The following CNOT4 variants were observed in gnomAD, a reference collection of about 807,000 sequenced individuals.
The protein encoded by CNOT4 is CCR4-NOT transcription complex subunit 4.
Under a neutral mutation model 73.8 loss-of-function variants are expected in CNOT4, and 8 were observed. The observed-to-expected ratio is 0.11, with a 90% confidence interval of 0.06 to 0.20. CNOT4 has a LOEUF of 0.20. Ranked by LOEUF, CNOT4 falls within the 10% of genes least tolerant of loss-of-function variation. CNOT4 has a pLI of 1.00. For synonymous variants in CNOT4, 293 were observed against 321.1 expected (o/e 0.91, Z 0.94); for missense variants, 564 against 883.4 (o/e 0.64, Z 4.58).
intron 1 of CNOT4, among the ~76,000 whole-genome samples, chr7:135,504,477 T>A (rs1440503085): frequency 1.9e-5 from 1 of 53,582 alleles, no homozygotes; most frequent in Non-Finnish European, 3.8e-5. Flanking sequence ...TTTTTTTTTT[T>A]TTTTTTTTTT....
rs1434071206 is a variant in CNOT4, at chr7:135,362,779, A to C, written c.*106T>G. ...AGAAAAAAAATTGATCAGGTACTGG[A>C]TTCTTCAGAACATAAGAGATGAGAA... On this transcript the variant is annotated 3_prime_UTR_variant, in exon 12 of 12. Coordinates refer to ENST00000541284, the MANE Select transcript of CNOT4 (RefSeq NM_001190850.2). The C allele has an allele frequency of 9.4e-7, 1 of 1,060,390 alleles. No individual in the cohort carries two copies. Among genetic ancestry groups the C allele is most frequent in the South Asian group, 1.2e-5 (1 of 80,104 alleles). 65.7% of individuals were successfully genotyped at this position (1,060,390 alleles called of 1,614,324 possible).
intron 1 of CNOT4, among the ~76,000 whole-genome samples, chr7:135,453,848 T>TATAAA (rs1563059658): frequency 8.6e-6 from 1 of 116,742 alleles, no homozygotes; most frequent in East Asian, 2.4e-4. Context: ...ATATATATAT[T>TATAAA]ATATATATAG....
chr7:135,400,063 A>C (rs913443189), intron 7 of CNOT4, among the ~76,000 whole-genome samples: 1 of 152,110 alleles, frequency 6.6e-6, no homozygotes, highest in African/African-American at 2.4e-5. Flanking sequence ...TTCCTAGGGG[A>C]GTTCAAATTT....
intron 1 of CNOT4, among the ~76,000 whole-genome samples, chr7:135,448,622 T>G (rs1799980503): frequency 6.6e-6 from 1 of 152,032 alleles, no homozygotes; most frequent in South Asian, 2.1e-4. Flanking sequence ...GGACACTACC[T>G]GCAAGAGCAA....
At chr7:135,463,677 A>G (rs1229814820) in intron 1 of CNOT4, among the ~76,000 whole-genome samples, 1 of 152,152 alleles carries the variant, frequency 6.6e-6, no homozygotes, top group Non-Finnish European at 1.5e-5. Flanking sequence ...GCAAAAATTG[A>G]CAAGTGGGAT....
chr7:135,509,349 G>T (rs994704625), intron 1 of CNOT4, among the ~76,000 whole-genome samples: 2 of 152,080 alleles, frequency 1.3e-5, no homozygotes, highest in African/African-American at 4.8e-5. Flanking sequence ...GCACCAGAGG[G>T]GGGCAAAGGC....
chr7:135,495,732 AAGAAAG>A (rs1399499087), intron 1 of CNOT4, among the ~76,000 whole-genome samples: 5 of 132,628 alleles, frequency 3.8e-5, no homozygotes, highest in African/African-American at 1.3e-4. Flanking sequence ...GAAAGAAAGA[AAGAAAG>A]AAAGAAAGAA....
intron 1 of CNOT4, among the ~76,000 whole-genome samples, chr7:135,442,918 G>C (rs2129485523): frequency 6.6e-6 from 1 of 152,078 alleles, no homozygotes; most frequent in South Asian, 2.1e-4. Context: ...AATTAGCCAA[G>C]TATGGTGTTG....
At chr7:135,379,872 A>G (rs574731337) in intron 10 of CNOT4, among the ~76,000 whole-genome samples, 2 of 152,348 alleles carry the variant, frequency 1.3e-5, no homozygotes, top group Admixed American at 1.3e-4. Flanking sequence ...ACACCCCACT[A>G]AAGTTCTAGA....
At position 135,420,577 on chromosome 7, in the gene CNOT4, CAA is replaced by C. The variant is rs71174521; in HGVS notation, c.372+1577_372+1578del. ...GGGTGACAAAGTGAGACCATGTCTC[CAA>C]AAAAAAAAAAAAAAAAAAAAGTAGA... On this transcript the variant is annotated intron_variant, in intron 3 of 11. Coordinates refer to ENST00000541284, the MANE Select transcript of CNOT4 (RefSeq NM_001190850.2). Among the ~76,000 whole-genome samples the C allele has an allele frequency of 3.6e-4, 19 of 53,364 alleles. No homozygotes were observed. The South Asian group carries it at 9.7e-3, about 27-fold the overall frequency. The allele number at this position is 53,364 out of a possible 152,430, so 35.0% of individuals were successfully genotyped here. A position where few individuals can be genotyped will look rare whatever the true frequency, so the allele number is the denominator to read the frequency against.
chr7:135,463,438 T>C (rs117663993), intron 1 of CNOT4, among the ~76,000 whole-genome samples: 12,004 of 150,028 alleles, frequency 0.08, 657 homozygotes, highest in Non-Finnish European at 0.12. Flanking sequence ...TTCGGGGGGC[T>C]GAGGCAGGAG....
At chr7:135,418,115 A>G (rs1797970115) in intron 3 of CNOT4, among the ~76,000 whole-genome samples, 1 of 152,250 alleles carries the variant, frequency 6.6e-6, no homozygotes, top group Admixed American at 6.5e-5. Flanking sequence ...GCATTAAACA[A>G]AAAGAATTAC....
intron 1 of CNOT4, among the ~76,000 whole-genome samples, chr7:135,454,211 C>T (rs958430312): frequency 2.6e-5 from 4 of 151,754 alleles, no homozygotes; most frequent in African/African-American, 7.3e-5. Flanking sequence ...GAATGGTAAC[C>T]GTTTTACACC....
intron 1 of CNOT4, among the ~76,000 whole-genome samples, chr7:135,502,061 C>T (rs1183973228): frequency 1.3e-5 from 2 of 152,204 alleles, no homozygotes; most frequent in Non-Finnish European, 2.9e-5. Context: ...TTCTACCTTA[C>T]ACCATGGGAT....
chr7:135,493,468 A>G (rs1485074350), intron 1 of CNOT4, among the ~76,000 whole-genome samples: 1 of 152,240 alleles, frequency 6.6e-6, no homozygotes, highest in Non-Finnish European at 1.5e-5. Context: ...GAAGTAGACA[A>G]AATGTTCAGA....
Position 135,467,171 on chromosome 7 carries a change from T to A in CNOT4, c.-92-28748A>T, listed in dbSNP as rs117750344. The stretch of plus-strand genomic sequence containing the variant: ...TAATACTAGGCATTTATGATGATCA[T>A]GATGATGATGATGTTGCTCAAGGAA... On this transcript the variant is annotated intron_variant, in intron 1 of 11. Coordinates refer to ENST00000541284, the MANE Select transcript of CNOT4 (RefSeq NM_001190850.2). Among the ~76,000 whole-genome samples, 1,287 of 152,244 alleles carry A rather than the reference T, an allele frequency of 8.5e-3. 8 individuals are homozygous for A. Among genetic ancestry groups the A allele is most frequent in the Non-Finnish European group, 0.014 (974 of 68,006 alleles).
At chr7:135,497,168 G>A (rs148054139) in intron 1 of CNOT4, among the ~76,000 whole-genome samples, 3,059 of 151,970 alleles carry the variant, frequency 0.02, 109 homozygotes, top group African/African-American at 0.07. Context: ...AGCACTTTGG[G>A]AAGCCGAGGC....
intron 1 of CNOT4, among the ~76,000 whole-genome samples, chr7:135,478,357 G>A (rs1802132228): frequency 6.6e-6 from 1 of 152,132 alleles, no homozygotes; most frequent in Admixed American, 6.6e-5. Flanking sequence ...ATTACTGGTT[G>A]TGAAATGTTT....
At chr7:135,387,389 T>C (rs3812278) in intron 10 of CNOT4, 235,453 of 983,016 alleles carry the variant, frequency 0.24, 29,387 homozygotes, top group East Asian at 0.52. Flanking sequence ...GTCATTTAAT[T>C]TGTCACATTA....
Sources: allele counts gnomAD v4.1 joint callset (sites outside exome capture counted in the v4.1 genomes callset), GRCh38; gene constraint gnomAD v4.1.1; transcripts MANE v1.5; gene names NCBI Gene and HGNC (gene_info 2026-07-23, HGNC 2026-07-21).